Variants in ATF6 observed in about 807,000 individuals in gnomAD.
ATF6 encodes cyclic AMP-dependent transcription factor ATF-6 alpha.
In ATF6, 53 loss-of-function variants were observed where a neutral mutation model predicts 83.6. That is an observed-to-expected ratio of 0.63 (90% CI 0.51 to 0.80). The LOEUF is 0.80. ATF6 is among the 30% of genes least tolerant of loss of function. ATF6 has a pLI of 0.00. For missense variants in ATF6, 744 were observed against 797.9 expected (o/e 0.93, Z 0.81); for synonymous variants, 288 against 285.8 (o/e 1.01, Z -0.08).
chr1:161,884,661 G>A (rs528031776), intron 14 of ATF6, among the ~76,000 whole-genome samples: 5 of 152,064 alleles, frequency 3.3e-5, no homozygotes, highest in Non-Finnish European at 7.4e-5. Flanking sequence ...AAGGACTCCA[G>A]CAATGAGCAA....
intron 15 of ATF6, among the ~76,000 whole-genome samples, chr1:161,952,357 T>A (rs1190230454): frequency 6.6e-6 from 1 of 152,090 alleles, no homozygotes; most frequent in Non-Finnish European, 1.5e-5. Context: ...GAGGTCACCT[T>A]CTCAGAGAGT....
intron 3 of ATF6, among the ~76,000 whole-genome samples, chr1:161,783,275 A>G (rs1213409676): frequency 6.6e-6 from 1 of 151,518 alleles, no homozygotes; most frequent in East Asian, 1.9e-4. Flanking sequence ...GGGGAAATCG[A>G]CTCTACTTCT....
chr1:161,851,486 A>G (rs557403130), intron 10 of ATF6, among the ~76,000 whole-genome samples: 74 of 152,270 alleles, frequency 4.9e-4, no homozygotes, highest in African/African-American at 1.8e-3. Context: ...TTCCAAATTA[A>G]TTGCTCAATA....
At chr1:161,851,233 AACACACACACACACACAC>A (rs60202873) in intron 10 of ATF6, among the ~76,000 whole-genome samples, 5 of 75,486 alleles carry the variant, frequency 6.6e-5, no homozygotes, top group Middle Eastern at 9.1e-3. Context: ...CCCTATCCTT[AACACACACACACACACAC>A]ACACACACAC....
intron 1 of ATF6, among the ~76,000 whole-genome samples, chr1:161,767,247 A>C (rs1557949081): frequency 6.6e-6 from 1 of 152,306 alleles, no homozygotes. Flanking sequence ...TACACCACTC[A>C]TCAGCCTTGG....
chr1:161,771,229 T>C (rs189509588), intron 1 of ATF6, among the ~76,000 whole-genome samples: 13 of 152,216 alleles, frequency 8.5e-5, no homozygotes, highest in Admixed American at 8.5e-4. Context: ...CCTTTCTCCT[T>C]TCTCCTTTTT....
chr1:161,903,106 T>C (rs1168978183), intron 14 of ATF6, among the ~76,000 whole-genome samples: 1 of 152,176 alleles, frequency 6.6e-6, no homozygotes, highest in Non-Finnish European at 1.5e-5. Context: ...AACTCTGCTC[T>C]CCACCACTTC....
At chr1:161,878,544 G>A (rs986733277) in intron 14 of ATF6, among the ~76,000 whole-genome samples, 8 of 151,850 alleles carry the variant, frequency 5.3e-5, no homozygotes, top group African/African-American at 1.7e-4. Context: ...AGCAAAGGAC[G>A]GTTCAGGACC....
chr1:161,951,380 C>G (rs1334807134), intron 15 of ATF6, among the ~76,000 whole-genome samples: 2 of 152,172 alleles, frequency 1.3e-5, no homozygotes, highest in Admixed American at 1.3e-4. Context: ...CAAGTTGGAG[C>G]CAAGAATGGT....
chr1:161,785,766 A>G (rs1327892328), intron 4 of ATF6, among the ~76,000 whole-genome samples: 2 of 152,084 alleles, frequency 1.3e-5, no homozygotes, highest in African/African-American at 4.8e-5. Context: ...GATACTGCCA[A>G]ATTTCTCTCT....
intron 15 of ATF6, among the ~76,000 whole-genome samples, chr1:161,937,840 G>T (rs1340169157): frequency 6.6e-6 from 1 of 151,522 alleles, no homozygotes; most frequent in Non-Finnish European, 1.5e-5. Context: ...GTATACCTAT[G>T]TAACAAACCT....
chr1:161,775,160 A>G (rs898047863), intron 1 of ATF6, among the ~76,000 whole-genome samples: 2 of 152,218 alleles, frequency 1.3e-5, no homozygotes, highest in African/African-American at 2.4e-5. Context: ...TATACATTAT[A>G]GTGTAAATAC....
chr1:161,879,654 T>C (rs1203999147), intron 14 of ATF6, among the ~76,000 whole-genome samples: 1 of 152,144 alleles, frequency 6.6e-6, no homozygotes, highest in African/African-American at 2.4e-5. Flanking sequence ...ACATAATAGC[T>C]GCTGGGGATG....
At chr1:161,859,658 G>A (rs1557999317) in intron 12 of ATF6, among the ~76,000 whole-genome samples, 1 of 152,158 alleles carries the variant, frequency 6.6e-6, no homozygotes, top group Non-Finnish European at 1.5e-5. Flanking sequence ...CAAATGCTGT[G>A]TGAAAGACAG....
At chr1:161,950,581 A>G (rs1405184924) in intron 15 of ATF6, among the ~76,000 whole-genome samples, 1 of 152,192 alleles carries the variant, frequency 6.6e-6, no homozygotes, top group Non-Finnish European at 1.5e-5. Context: ...TGTTTTAATC[A>G]TTAGAAGCCA....
intron 7 of ATF6, among the ~76,000 whole-genome samples, chr1:161,815,331 A>G (rs1305979728): frequency 6.6e-6 from 1 of 151,538 alleles, no homozygotes; most frequent in Non-Finnish European, 1.5e-5. Context: ...AGCTAGGACT[A>G]CAATTGTGCA....
chr1:161,916,194 T>C (rs1036497503), intron 15 of ATF6, among the ~76,000 whole-genome samples: 1 of 152,242 alleles, frequency 6.6e-6, no homozygotes, highest in African/African-American at 2.4e-5. Flanking sequence ...CATGTCTCCA[T>C]GGTCATCTTA....
At chr1:161,909,207 T>C (rs908047587) in intron 14 of ATF6, among the ~76,000 whole-genome samples, 1 of 152,210 alleles carries the variant, frequency 6.6e-6, no homozygotes. Flanking sequence ...TTCTGTCTTC[T>C]TGCTCCATAA....
rs557514428 is a variant in ATF6, at chr1:161,810,121, C to T, written c.909+7849C>T. On this transcript the variant is annotated intron_variant, in intron 7 of 15. Transcript: ENST00000367942. Reference sequence around the variant, plus strand: ...AGTCCTTGGGTGGGTTTCAGTGTTTCCATAATCAGCATCCTATATTAGTCA... The same window carrying T: ...AGTCCTTGGGTGGGTTTCAGTGTTTTCATAATCAGCATCCTATATTAGTCA... Among the ~76,000 whole-genome samples the T allele has an allele frequency of 4.6e-5, 7 of 152,238 alleles. No individual in the cohort carries two copies. In the South Asian group the frequency reaches 1.5e-3, roughly 32 times the overall value.
Sources: allele counts gnomAD v4.1 joint callset (sites outside exome capture counted in the v4.1 genomes callset), GRCh38; gene constraint gnomAD v4.1.1; transcripts MANE v1.5; gene names NCBI Gene and HGNC (gene_info 2026-07-23, HGNC 2026-07-21).